HIPK3: variants seen among roughly 807,000 people sequenced by gnomAD.
HIPK3 encodes homeodomain interacting protein kinase 3.
In HIPK3, 47 loss-of-function variants were observed where a neutral mutation model predicts 124.2. The observed-to-expected ratio is 0.38, with a 90% CI of 0.30 to 0.48. The LOEUF (loss-of-function observed/expected upper bound fraction) is 0.48. HIPK3 is among the 20% of genes least tolerant of loss of function. HIPK3 has a pLI of 0.98. For synonymous variants in HIPK3, 482 were observed against 515.2 expected (o/e 0.94, Z 0.87); for missense variants, 1,286 against 1,454.3 (o/e 0.88, Z 1.88).
chr11:33,266,445 C>T (rs563764241), intron 1 of HIPK3, among the ~76,000 whole-genome samples: 1 of 152,258 alleles, frequency 6.6e-6, no homozygotes, highest in South Asian at 2.1e-4. Flanking sequence ...CTTCTGTAAT[C>T]CCAGCACTCT....
rs201753105 is a variant in HIPK3 at position 33,339,432 on chromosome 11, A to G, written c.1511A>G (p.Lys504Arg). 6.2e-7 allele frequency: 1 copy of G among 1,613,624 alleles called. No homozygotes were observed. The highest frequency in any genetic ancestry group is 1.7e-5 in the Admixed American group (1 of 60,024). The change falls in exon 6 of 17, where the codon AAA (lysine) becomes AGA (arginine). Residue 504 changes from lysine (K) to arginine (R), a missense_variant. Physicochemically the swap from Lys to Arg is conservative, Grantham distance 26. Coordinates refer to ENST00000303296, the MANE Select transcript of HIPK3 (RefSeq NM_005734.5). Reference protein sequence around the residue: ...DRREFVSLLKKMLLIDADLRI... With the variant: ...DRREFVSLLKRMLLIDADLRI... Reference sequence around the variant, plus strand: ...AGAGAATTTGTTAGTCTGTTGAAGAAAATGTTGCTGATTGATGCAGATTTA... The same window carrying G: ...AGAGAATTTGTTAGTCTGTTGAAGAGAATGTTGCTGATTGATGCAGATTTA...
intron 2 of HIPK3, among the ~76,000 whole-genome samples, chr11:33,299,364 C>T (rs1012766227): frequency 6.6e-5 from 10 of 151,478 alleles, no homozygotes; most frequent in Admixed American, 2.6e-4. Context: ...CTCAGCTACT[C>T]GGGAGGCTGA....
At chr11:33,303,787 T>C (rs890998784) in intron 2 of HIPK3, among the ~76,000 whole-genome samples, 33 of 152,206 alleles carry the variant, frequency 2.2e-4, no homozygotes, top group Admixed American at 7.2e-4. Context: ...TGTGGCAAGA[T>C]TGTATTACTT....
chr11:33,290,777 T>C (rs1455641896), intron 2 of HIPK3, among the ~76,000 whole-genome samples: 1 of 152,098 alleles, frequency 6.6e-6, no homozygotes, highest in East Asian at 1.9e-4. Flanking sequence ...TTTGCACAAA[T>C]ACTAGCCTTT....
At chr11:33,337,516 C>T (rs191234856) in intron 4 of HIPK3, among the ~76,000 whole-genome samples, 50 of 149,806 alleles carry the variant, frequency 3.3e-4, no homozygotes, top group Admixed American at 2.9e-3. Context: ...CCACCATGCC[C>T]GGCTAATTTT....
At chr11:33,296,482 T>G (rs1851845318) in intron 2 of HIPK3, among the ~76,000 whole-genome samples, 1 of 152,246 alleles carries the variant, frequency 6.6e-6, no homozygotes. Context: ...CTTGTTTTGC[T>G]TTATTGCATT....
intron 1 of HIPK3, among the ~76,000 whole-genome samples, chr11:33,271,345 G>A (rs1292990787): frequency 6.6e-6 from 1 of 152,120 alleles, no homozygotes; most frequent in Non-Finnish European, 1.5e-5. Context: ...AGGCCAAGGT[G>A]GGCACATTGC....
intron 5 of HIPK3, 45 bp from the exon 6 acceptor site, chr11:33,339,284 GGTGGAATTTATACTACTCTCT>G (rs1489933258): frequency 8.4e-7 from 1 of 1,194,080 alleles, no homozygotes; most frequent in Non-Finnish European, 1.2e-6. Context: ...ATTTTTTAAC[GGTGGAATTTATACTACTCTCT>G]GTGACTTATT....
intron 1 of HIPK3, among the ~76,000 whole-genome samples, chr11:33,278,716 C>T (rs1232986575): frequency 2.0e-5 from 3 of 151,968 alleles, no homozygotes; most frequent in Non-Finnish European, 2.9e-5. Context: ...TGGTGGTGGA[C>T]GCCTGTAGTC....
intron 4 of HIPK3, among the ~76,000 whole-genome samples, chr11:33,338,229 GTTA>G (rs1296645263): frequency 4.6e-5 from 7 of 151,962 alleles, no homozygotes; most frequent in Admixed American, 2.6e-4. Context: ...TTCATAAACA[GTTA>G]TTATTATTAT....
chr11:33,302,579 A>C (rs1446120606), intron 2 of HIPK3, among the ~76,000 whole-genome samples: 2 of 151,944 alleles, frequency 1.3e-5, no homozygotes, highest in Non-Finnish European at 2.9e-5. Context: ...CAAGTGGTCC[A>C]CCCACCTTGG....
chr11:33,291,774 C>G (rs1039952041), intron 2 of HIPK3, among the ~76,000 whole-genome samples: 2 of 151,966 alleles, frequency 1.3e-5, no homozygotes, highest in African/African-American at 4.8e-5. Context: ...GCCTGCGATT[C>G]TAAGTCATTT....
chr11:33,321,305 G>A (rs1286665697), intron 2 of HIPK3, among the ~76,000 whole-genome samples: 2 of 152,200 alleles, frequency 1.3e-5, no homozygotes, highest in South Asian at 2.1e-4. Flanking sequence ...CAAGATGGGG[G>A]TGGAGTTGGA....
intron 12 of HIPK3, 63 bp from the exon 13 acceptor site, chr11:33,348,459 C>T: frequency 2.2e-6 from 3 of 1,357,582 alleles, no homozygotes; most frequent in East Asian, 2.5e-5. Context: ...TAACAAGATA[C>T]CTTAGACAAT....
At chr11:33,314,773 A>G (rs1037893573) in intron 2 of HIPK3, among the ~76,000 whole-genome samples, 2 of 152,208 alleles carry the variant, frequency 1.3e-5, no homozygotes, top group African/African-American at 4.8e-5. Flanking sequence ...ATTGCAGTTA[A>G]ATAATTTTTG....
At chr11:33,341,299 A>G (rs1263489147) in intron 7 of HIPK3, among the ~76,000 whole-genome samples, 172 bp downstream of exon 7, 8 of 152,178 alleles carry the variant, frequency 5.3e-5, no homozygotes, top group African/African-American at 1.9e-4. Flanking sequence ...ATTGGAACAT[A>G]TCTACTCCGA....
At chr11:33,336,198 A>G (rs1476635570) in intron 3 of HIPK3, among the ~76,000 whole-genome samples, 2 of 152,156 alleles carry the variant, frequency 1.3e-5, no homozygotes, top group Non-Finnish European at 2.9e-5. Context: ...TTGAACCAAG[A>G]GCTGAAGGAA....
At chr11:33,343,315 C>G (rs1403450351) in intron 8 of HIPK3, among the ~76,000 whole-genome samples, 1 of 150,024 alleles carries the variant, frequency 6.7e-6, no homozygotes, top group Non-Finnish European at 1.5e-5. Flanking sequence ...GTGTCTTGCT[C>G]TGTTGCCCAG....
intron 2 of HIPK3, among the ~76,000 whole-genome samples, chr11:33,311,690 C>G (rs1852341358): frequency 6.6e-6 from 1 of 152,016 alleles, no homozygotes; most frequent in African/African-American, 2.4e-5. Flanking sequence ...GAAAACACAC[C>G]CTTTTTTGTT....
Sources: allele counts gnomAD v4.1 joint callset (sites outside exome capture counted in the v4.1 genomes callset), GRCh38; gene constraint gnomAD v4.1.1; transcripts MANE v1.5; gene names NCBI Gene and HGNC (gene_info 2026-07-23, HGNC 2026-07-21).